Variants in PDE1A observed in about 807,000 individuals in gnomAD.
PDE1A encodes the protein dual specificity calcium/calmodulin-dependent 3',5'-cyclic nucleotide phosphodiesterase 1A.
In PDE1A, 35 loss-of-function variants were observed where a neutral mutation model predicts 61.7. That is an observed-to-expected ratio of 0.57 (90% CI 0.43 to 0.75). The LOEUF (loss-of-function observed/expected upper bound fraction) is 0.75. Ranked by LOEUF, PDE1A falls within the 30% of genes least tolerant of loss-of-function variation. The pLI is 0.00. For missense variants in PDE1A, 597 were observed against 630.6 expected (o/e 0.95, Z 0.57); for synonymous variants, 232 against 213.2 (o/e 1.09, Z -0.77).
At chr2:182,580,612 G>A in the PDE1A span, among the ~76,000 whole-genome samples, 1 of 152,166 alleles carries the variant, frequency 6.6e-6, no homozygotes, top group South Asian at 2.1e-4. Flanking sequence ...TAGCAAGGTT[G>A]AGAAAGATTT....
Position 182,149,211 on chromosome 2 carries a change from T to A in PDE1A, c.1517-2059A>T, listed in dbSNP as rs576913806. The stretch of plus-strand genomic sequence containing the variant: ...TTAACTAATTCACTGGTTCTCAAAA[T>A]TTTTTAGAGAACTTTTTATAATGGG... On this transcript the variant is annotated intron_variant, in intron 13 of 13. Transcript: ENST00000409365. Among the ~76,000 whole-genome samples, 830 of 152,282 alleles carry A rather than the reference T, an allele frequency of 5.5e-3. 2 individuals are homozygous for A. The highest frequency in any genetic ancestry group is 8.8e-3 in the Non-Finnish European group (598 of 68,002).
the PDE1A span, among the ~76,000 whole-genome samples, chr2:182,695,466 G>C: frequency 6.6e-6 from 1 of 151,772 alleles, no homozygotes; most frequent in Non-Finnish European, 1.5e-5. Flanking sequence ...GAAAAGATAA[G>C]CCATCCTGGC....
At chr2:182,464,699 G>A (rs1432051783) in intron 2 of PDE1A, among the ~76,000 whole-genome samples, 1 of 152,044 alleles carries the variant, frequency 6.6e-6, no homozygotes. Context: ...ATAGGCAAGT[G>A]GGAATTCATA....
At chr2:182,336,312 T>C (rs1192987859) in intron 1 of PDE1A, among the ~76,000 whole-genome samples, 3 of 152,138 alleles carry the variant, frequency 2.0e-5, no homozygotes, top group African/African-American at 7.2e-5. Flanking sequence ...TAAAGACACA[T>C]GCACACATAT....
chr2:182,195,018 G>A lies in PDE1A; in HGVS notation c.1126-5958C>T, dbSNP rs564765676. On this transcript the variant is annotated intron_variant, in intron 10 of 13. Transcript: ENST00000351439. ...GAATTTCTATCCAGGCTCTAATTTTGTTCAAAACCAATAGAAGGAATTGCA... is the reference window on the plus strand; with the variant it reads ...GAATTTCTATCCAGGCTCTAATTTTATTCAAAACCAATAGAAGGAATTGCA... Among the ~76,000 whole-genome samples the A allele has an allele frequency of 3.3e-5, 5 of 151,294 alleles. No individual in the cohort carries two copies. In the South Asian group the frequency reaches 1.0e-3, roughly 32 times the overall value.
chr2:182,601,117 G>T, the PDE1A span, among the ~76,000 whole-genome samples: 1 of 152,220 alleles, frequency 6.6e-6, no homozygotes, highest in Non-Finnish European at 1.5e-5. Context: ...ACTCGGCCTG[G>T]CAGGCTGCAC....
intron 1 of PDE1A, among the ~76,000 whole-genome samples, chr2:182,320,880 A>G (rs1696652148): frequency 6.6e-6 from 1 of 152,174 alleles, no homozygotes; most frequent in Non-Finnish European, 1.5e-5. Flanking sequence ...TAAACCAAAA[A>G]TATTCCACAT....
At chr2:182,251,805 A>G (rs1246704182) in intron 2 of PDE1A, among the ~76,000 whole-genome samples, 4 of 152,212 alleles carry the variant, frequency 2.6e-5, no homozygotes, top group African/African-American at 9.6e-5. Flanking sequence ...AGTCCCCATG[A>G]AAGTATTTTA....
chr2:182,349,357 A>G (rs535653398), intron 1 of PDE1A, among the ~76,000 whole-genome samples: 10 of 152,358 alleles, frequency 6.6e-5, no homozygotes, highest in African/African-American at 2.4e-4. Context: ...AGCATAGGTC[A>G]GCAAAGTAAC....
chr2:182,357,675 A>G (rs1206632078), intron 1 of PDE1A, among the ~76,000 whole-genome samples: 1 of 152,236 alleles, frequency 6.6e-6, no homozygotes, highest in Non-Finnish European at 1.5e-5. Flanking sequence ...AATAATTAAC[A>G]TTAGTAATGT....
At chr2:182,403,864 A>G (rs1702154325) in intron 1 of PDE1A, among the ~76,000 whole-genome samples, 1 of 152,134 alleles carries the variant, frequency 6.6e-6, no homozygotes, top group Non-Finnish European at 1.5e-5. Context: ...GGATAGCATT[A>G]GGATAAATAC....
chr2:182,318,935 C>T (rs1416219916), intron 1 of PDE1A, among the ~76,000 whole-genome samples: 3 of 152,082 alleles, frequency 2.0e-5, no homozygotes, highest in Non-Finnish European at 2.9e-5. Flanking sequence ...ATCCTATTTT[C>T]TTAGTCATTC....
rs541572662 is a variant in PDE1A at position 182,213,172 on chromosome 2, G to A, written c.777-7107C>T. ...GCAGGGGCAGACTGACACCTCACACGGCAGGGTATTCCAACAGACCTGCAG... is the reference window on the plus strand; with the variant it reads ...GCAGGGGCAGACTGACACCTCACACAGCAGGGTATTCCAACAGACCTGCAG... On this transcript the variant is annotated intron_variant, in intron 7 of 13. Transcript: ENST00000351439. Among the ~76,000 whole-genome samples, 273 of 150,262 alleles carry A rather than the reference G, an allele frequency of 1.8e-3. 2 individuals are homozygous for A. Among genetic ancestry groups the A allele is most frequent in the South Asian group, 8.6e-3 (41 of 4,742 alleles).
chr2:182,571,249 T>C, the PDE1A span, among the ~76,000 whole-genome samples: 6 of 152,192 alleles, frequency 3.9e-5, no homozygotes, highest in African/African-American at 1.4e-4. Context: ...GTTTTTCATA[T>C]GCTTTCTTTT....
chr2:182,483,753 A>C (rs1425957901), intron 2 of PDE1A, among the ~76,000 whole-genome samples: 1 of 151,942 alleles, frequency 6.6e-6, no homozygotes, highest in African/African-American at 2.4e-5. Context: ...TAAGCAAGCA[A>C]AAGGAAGGAA....
intron 2 of PDE1A, among the ~76,000 whole-genome samples, chr2:182,439,991 C>G (rs2125672455): frequency 6.6e-6 from 1 of 152,064 alleles, no homozygotes; most frequent in East Asian, 1.9e-4. Flanking sequence ...GAAAAGTTGC[C>G]CTAATTGTGT....
At chr2:182,287,693 TC>T in intron 1 of PDE1A, among the ~76,000 whole-genome samples, 1 of 152,152 alleles carries the variant, frequency 6.6e-6, no homozygotes, top group Non-Finnish European at 1.5e-5. Context: ...TGGTTGAAAG[TC>T]AGGTTTACTA....
chr2:182,654,294 T>G, the PDE1A span, among the ~76,000 whole-genome samples: 1 of 152,226 alleles, frequency 6.6e-6, no homozygotes, highest in Admixed American at 6.5e-5. Context: ...ATGTTGTTGT[T>G]GCTTGGGTCA....
In PDE1A at chr2:182,509,090, T is replaced by TA. The variant is rs1003013314; in HGVS notation, c.101+13185dup. 1.5e-3 allele frequency among the ~76,000 whole-genome samples: 222 copies of TA among 151,382 alleles called. 2 individuals are homozygous for TA. Among genetic ancestry groups the TA allele is most frequent in the African/African-American group, 5.1e-3 (211 of 41,292 alleles). On this transcript the variant is annotated intron_variant, in intron 2 of 14. Transcript: ENST00000410103. ...AATTCTTGAATTTATTTTCATTGGTTAAAAAAAAATCTTCTGAAATGGGCA... is the reference window on the plus strand; with the variant it reads ...AATTCTTGAATTTATTTTCATTGGTTAAAAAAAAAATCTTCTGAAATGGGCA...
Sources: allele counts gnomAD v4.1 joint callset (sites outside exome capture counted in the v4.1 genomes callset), GRCh38; gene constraint gnomAD v4.1.1; transcripts MANE v1.5; gene names NCBI Gene and HGNC (gene_info 2026-07-23, HGNC 2026-07-21).